Variants in RAB39A observed in about 807,000 individuals in gnomAD.
RAB39A encodes ras-related protein Rab-39A.
A neutral mutation model predicts 20.9 loss-of-function variants in RAB39A; 17 were observed. The ratio of observed to expected loss-of-function variants is 0.81; its 90% CI spans 0.56 to 1.22. The LOEUF is 1.22. Ranked by LOEUF, RAB39A falls within the 50% of genes most tolerant of loss-of-function variation. RAB39A has a pLI of 0.00. For missense variants in RAB39A, 234 were observed against 270.5 expected (o/e 0.87, Z 0.95); for synonymous variants, 99 against 103.4 (o/e 0.96, Z 0.26).
intron 1 of RAB39A, among the ~76,000 whole-genome samples, chr11:107,960,360 TAAG>T (rs773146944): frequency 2.0e-5 from 3 of 152,144 alleles, no homozygotes; most frequent in East Asian, 3.9e-4. Context: ...AGAGGAACTA[TAAG>T]AAGAGTACCT....
chr11:107,938,564 TAAAAAA>T (rs5794580), intron 1 of RAB39A, among the ~76,000 whole-genome samples: 5 of 95,246 alleles, frequency 5.2e-5, no homozygotes, highest in African/African-American at 8.4e-5. Context: ...ACCTCGTCTA[TAAAAAA>T]AAAAAAAAAA....
chr11:107,946,452 A>T (rs1565464288), intron 1 of RAB39A, among the ~76,000 whole-genome samples: 6 of 71,798 alleles, frequency 8.4e-5, no homozygotes, highest in East Asian at 3.5e-4. Context: ...ATATATATAT[A>T]TATATATATT....
intron 1 of RAB39A, among the ~76,000 whole-genome samples, chr11:107,961,630 A>G (rs73553052): frequency 0.011 from 1,646 of 152,298 alleles, 23 homozygotes; most frequent in African/African-American, 0.037. Context: ...CTTATTTTTA[A>G]CCACAATGAT....
intron 1 of RAB39A, among the ~76,000 whole-genome samples, chr11:107,946,325 T>TATAC (rs1178873799): frequency 2.1e-4 from 18 of 87,300 alleles, no homozygotes; most frequent in African/African-American, 6.6e-4. Context: ...TATATATATA[T>TATAC]ACACACACAC....
At chr11:107,957,868 A>G (rs1162632823) in intron 1 of RAB39A, among the ~76,000 whole-genome samples, 2 of 150,698 alleles carry the variant, frequency 1.3e-5, no homozygotes, top group Non-Finnish European at 3.0e-5. Flanking sequence ...CTTCCCTTAA[A>G]TCATCCATTA....
intron 1 of RAB39A, among the ~76,000 whole-genome samples, chr11:107,959,675 T>C (rs1238544723): frequency 6.6e-6 from 1 of 152,094 alleles, no homozygotes; most frequent in East Asian, 1.9e-4. Context: ...GGTAAAATGG[T>C]TTGCACTCCC....
intron 1 of RAB39A, among the ~76,000 whole-genome samples, chr11:107,941,893 G>GT (rs1438509127): frequency 6.6e-6 from 1 of 152,088 alleles, no homozygotes; most frequent in East Asian, 1.9e-4. Context: ...GTGGTCAGGA[G>GT]TTGGAGACCA....
intron 1 of RAB39A, among the ~76,000 whole-genome samples, chr11:107,941,517 T>A (rs1057005285): frequency 6.6e-6 from 1 of 152,182 alleles, no homozygotes; most frequent in African/African-American, 2.4e-5. Flanking sequence ...CTAATAGCTC[T>A]TGAGAGTCCC....
intron 1 of RAB39A, among the ~76,000 whole-genome samples, chr11:107,936,149 C>T (rs576906074): frequency 6.6e-6 from 1 of 152,244 alleles, no homozygotes; most frequent in South Asian, 2.1e-4. Context: ...ATCCGCCCAC[C>T]TCGGCCTCCC....
At chr11:107,930,398 A>C (rs1861123753) in intron 1 of RAB39A, among the ~76,000 whole-genome samples, 1 of 152,174 alleles carries the variant, frequency 6.6e-6, no homozygotes, top group East Asian at 1.9e-4. Flanking sequence ...AAACTTTGCG[A>C]TATATCAGGC....
At chr11:107,955,626 G>A (rs1189050574) in intron 1 of RAB39A, among the ~76,000 whole-genome samples, 2 of 152,150 alleles carry the variant, frequency 1.3e-5, no homozygotes, top group Non-Finnish European at 2.9e-5. Context: ...ATCACCTGAG[G>A]TTGGGAGGTC....
chr11:107,929,249 A>T (rs1246737923), intron 1 of RAB39A, among the ~76,000 whole-genome samples: 1 of 152,140 alleles, frequency 6.6e-6, no homozygotes, highest in Non-Finnish European at 1.5e-5. Context: ...GCCGGGGAGA[A>T]CCGCGAGGGA....
At chr11:107,959,978 G>A (rs190730179) in intron 1 of RAB39A, among the ~76,000 whole-genome samples, 82 of 152,278 alleles carry the variant, frequency 5.4e-4, no homozygotes, top group Admixed American at 3.5e-3. Flanking sequence ...TTGGGAGGCC[G>A]AGGCAGGTGG....
At chr11:107,938,252 C>T (rs923705899) in intron 1 of RAB39A, among the ~76,000 whole-genome samples, 7 of 149,472 alleles carry the variant, frequency 4.7e-5, no homozygotes, top group African/African-American at 1.5e-4. Flanking sequence ...CCCAGCTACT[C>T]GAGAGGCGGA....
At chr11:107,935,140 A>C (rs1210914700) in intron 1 of RAB39A, among the ~76,000 whole-genome samples, 1 of 152,070 alleles carries the variant, frequency 6.6e-6, no homozygotes, top group Non-Finnish European at 1.5e-5. Flanking sequence ...AGACCCCAAG[A>C]GAGGGTTCTT....
chr11:107,946,717 G>A (rs187462111), intron 1 of RAB39A, among the ~76,000 whole-genome samples: 86 of 150,576 alleles, frequency 5.7e-4, no homozygotes, highest in African/African-American at 2.0e-3. Context: ...CTCATGATCC[G>A]CCCACCTCGG....
At chr11:107,940,695 G>A (rs532725407) in intron 1 of RAB39A, among the ~76,000 whole-genome samples, 4 of 152,236 alleles carry the variant, frequency 2.6e-5, no homozygotes, top group South Asian at 2.1e-4. Context: ...CACCTCGGCC[G>A]GGTGTGGTGG....
In RAB39A at chr11:107,928,957, TC is replaced by T. The variant is rs1391904877; in HGVS notation, c.227+164del. The stretch of plus-strand genomic sequence containing the variant: ...CTCGCTTCCCCTTTGCCCCTCCTCT[TC>T]CAGGGACGACTTCCTCCTCCGCAAT... On this transcript the variant is annotated intron_variant, in intron 1 of 1. Coordinates refer to ENST00000320578, the MANE Select transcript of RAB39A (RefSeq NM_017516.3). The surrounding 1 kb of genome is among the most constrained non-coding windows in gnomAD (Gnocchi z 4.9). Among the ~76,000 whole-genome samples the T allele has an allele frequency of 6.6e-6, 1 of 152,168 alleles. No homozygotes were observed. Among genetic ancestry groups the T allele is most frequent in the African/African-American group, 2.4e-5 (1 of 41,448 alleles).
intron 1 of RAB39A, among the ~76,000 whole-genome samples, chr11:107,946,390 G>GTA (rs1164054240): frequency 6.2e-4 from 35 of 56,026 alleles, no homozygotes; most frequent in Non-Finnish European, 1.0e-3. Flanking sequence ...ATATGTGGGT[G>GTA]TATATATGTG....
Sources: gnomAD v4.1 joint callset for allele counts (sites outside exome capture counted in the v4.1 genomes callset) on GRCh38, gnomAD v4.1.1 for gene constraint, Gnocchi (gnomAD v3.1) non-coding constraint, MANE v1.5 for transcripts, NCBI Gene and HGNC (gene_info 2026-07-23, HGNC 2026-07-21) for gene names.